Variants in CLMN observed in about 807,000 individuals in gnomAD.
The protein encoded by CLMN is calmin (calponin-like, transmembrane).
CLMN carries 57 observed loss-of-function variants against 92.7 expected under a neutral mutation model. That is an observed-to-expected ratio of 0.61 (90% CI 0.50 to 0.77). The LOEUF is 0.77. Ranked by LOEUF, CLMN falls within the 30% of genes least tolerant of loss-of-function variation. The pLI is 0.00. For synonymous variants in CLMN, 466 were observed against 470.6 expected (o/e 0.99, Z 0.13); for missense variants, 1,158 against 1,237.5 (o/e 0.94, Z 0.96).
Position 95,194,668 on chromosome 14 carries a change from C to A in CLMN, c.2709-72G>T. On this transcript the variant is annotated intron_variant, in intron 10 of 12. Transcript: ENST00000298912. The surrounding 1 kb of genome is among the most constrained non-coding windows in gnomAD (Gnocchi z 4.0). ...CATGGCTCAGTTGTACGGTCACCCC[C>A]ATCCTGGGGTTTCCACGTATGGGTT... 7.0e-7 allele frequency: 1 copy of A among 1,438,590 alleles called. No individual in the cohort carries two copies. The highest frequency in any genetic ancestry group is 9.8e-7 in the Non-Finnish European group (1 of 1,020,712). 89.1% of individuals were successfully genotyped at this position (1,438,590 alleles called of 1,614,324 possible).
At chr14:95,316,791 T>C (rs767148508) in intron 1 of CLMN, among the ~76,000 whole-genome samples, 2 of 152,212 alleles carry the variant, frequency 1.3e-5, no homozygotes, top group Non-Finnish European at 2.9e-5. Flanking sequence ...CCCTCATTAA[T>C]GACCCCAGGA....
chr14:95,252,314 GGGGAT>G (rs1343833145), intron 1 of CLMN, among the ~76,000 whole-genome samples: 6 of 152,318 alleles, frequency 3.9e-5, no homozygotes, highest in Non-Finnish European at 5.9e-5. Context: ...TACGGAAAGT[GGGGAT>G]AATGAGAGCC....
At chr14:95,201,228 A>C (rs1403729996) in intron 9 of CLMN, among the ~76,000 whole-genome samples, 1 of 151,608 alleles carries the variant, frequency 6.6e-6, no homozygotes, top group Non-Finnish European at 1.5e-5. Flanking sequence ...TGGGGGGTTC[A>C]TGTGCAAGTT....
intron 1 of CLMN, among the ~76,000 whole-genome samples, chr14:95,297,043 C>T (rs566399015): frequency 6.6e-6 from 1 of 152,036 alleles, no homozygotes; most frequent in South Asian, 2.1e-4. Flanking sequence ...TCGGTGCTTG[C>T]CAGGGGTGGG....
chr14:95,317,682 G>T (rs922588139), intron 1 of CLMN, among the ~76,000 whole-genome samples: 7 of 151,972 alleles, frequency 4.6e-5, no homozygotes, highest in African/African-American at 1.7e-4. Context: ...TTTCAGTAAT[G>T]GATCAAGTTT....
rs1244859500 is a variant in CLMN, at chr14:95,319,801, G to A, written c.-9C>T. 27 of 1,513,890 alleles carry A rather than the reference G, an allele frequency of 1.8e-5. No individual in the cohort carries two copies. The highest frequency in any genetic ancestry group is 2.4e-5 in the Non-Finnish European group (27 of 1,131,816). The allele number at this position is 1,513,890 out of a possible 1,614,324, so 93.8% of individuals were successfully genotyped here. On this transcript the variant is annotated 5_prime_UTR_variant, in exon 1 of 13. Coordinates refer to ENST00000298912, the MANE Select transcript of CLMN (RefSeq NM_024734.4). Reference sequence around the variant, plus strand: ...CACTCGTGTGCAGCCATGAAGCGCGGGCGGGAGAGCCCGGGCCAGCGCGGC... The same window carrying A: ...CACTCGTGTGCAGCCATGAAGCGCGAGCGGGAGAGCCCGGGCCAGCGCGGC...
At chr14:95,293,945 C>T (rs1187445340) in intron 1 of CLMN, among the ~76,000 whole-genome samples, 3 of 152,298 alleles carry the variant, frequency 2.0e-5, no homozygotes, top group East Asian at 1.9e-4. Flanking sequence ...TCTCACTTAG[C>T]GTTTTAGCTA....
intron 1 of CLMN, among the ~76,000 whole-genome samples, chr14:95,297,811 G>GCACA (rs3219870): frequency 0.022 from 3,189 of 145,064 alleles, 77 homozygotes; most frequent in African/African-American, 0.061. Context: ...AATATGGCAG[G>GCACA]CACACACACA....
intron 1 of CLMN, among the ~76,000 whole-genome samples, chr14:95,268,331 G>C (rs557942067): frequency 4.7e-5 from 7 of 149,410 alleles, no homozygotes; most frequent in African/African-American, 1.7e-4. Context: ...TGAACTATCT[G>C]TATGTGCAAT....
rs202079432 is a variant in CLMN, at chr14:95,224,265, T to TTTTATTTATTTATTTATTTA, written c.145-430_145-411dup. Among the ~76,000 whole-genome samples the TTTTATTTATTTATTTATTTA allele has an allele frequency of 2.4e-4, 36 of 151,550 alleles. 1 individual carries two copies. The highest frequency in any genetic ancestry group is 8.5e-4 in the African/African-American group (35 of 41,210). ...GAAATTACCTAGTGCAAGCCCTTCA[T>TTTTATTTATTTATTTATTTA]TTTATTTATTTATTTATTTATTTAT... is the stretch of plus-strand genomic sequence containing the variant. On this transcript the variant is annotated intron_variant, in intron 2 of 12. Transcript: ENST00000298912.
At chr14:95,255,584 A>G (rs1186904831) in intron 1 of CLMN, among the ~76,000 whole-genome samples, 1 of 152,168 alleles carries the variant, frequency 6.6e-6, no homozygotes, top group Non-Finnish European at 1.5e-5. Context: ...CCCTGCAGAG[A>G]AGGAGGCAGT....
At chr14:95,213,820 C>T (rs763259495) in intron 5 of CLMN, among the ~76,000 whole-genome samples, 47 of 152,276 alleles carry the variant, frequency 3.1e-4, no homozygotes, top group Non-Finnish European at 5.3e-4. Context: ...TTCCCTCCAT[C>T]AGTGAACTCC....
intron 3 of CLMN, among the ~76,000 whole-genome samples, 159 bp from the exon 4 acceptor site, chr14:95,221,933 C>A (rs927949127): frequency 6.6e-6 from 1 of 152,208 alleles, no homozygotes; most frequent in Admixed American, 6.5e-5. Context: ...TCCAAACCCA[C>A]ACAGGTGCCT....
chr14:95,264,008 CTTTATTTA>C (rs34763756), intron 1 of CLMN, among the ~76,000 whole-genome samples: 9,847 of 143,748 alleles, frequency 0.069, 554 homozygotes, highest in African/African-American at 0.15. Context: ...CACCTTATTA[CTTTATTTA>C]TTTATTTATT....
intron 8 of CLMN, among the ~76,000 whole-genome samples, chr14:95,206,918 G>A (rs1248802262): frequency 6.6e-6 from 1 of 151,940 alleles, no homozygotes; most frequent in Non-Finnish European, 1.5e-5. Flanking sequence ...TACAGTAACA[G>A]GCCAGGAAAA....
chr14:95,291,146 G>T (rs1460505363), intron 1 of CLMN, among the ~76,000 whole-genome samples: 1 of 152,236 alleles, frequency 6.6e-6, no homozygotes, highest in Non-Finnish European at 1.5e-5. Context: ...TAGCTGGCCA[G>T]AGTGGAACCC....
At chr14:95,247,687 T>C (rs908588646) in intron 1 of CLMN, among the ~76,000 whole-genome samples, 1 of 152,162 alleles carries the variant, frequency 6.6e-6, no homozygotes, top group Non-Finnish European at 1.5e-5. Flanking sequence ...ACTGGGACCC[T>C]GGCAGCCAAC....
rs114588605 is a variant in CLMN at position 95,191,474 on chromosome 14, G to A, written c.*90C>T. On this transcript the variant is annotated 3_prime_UTR_variant, in exon 13 of 13. Coordinates refer to ENST00000298912, the MANE Select transcript of CLMN (RefSeq NM_024734.4). The surrounding 1 kb of genome is among the most constrained non-coding windows in gnomAD (Gnocchi z 5.3). ...TTTCCTCGGAGGTCCTCAACTGTCT[G>A]TAGAAGTGCCCCACCCAGAACCCAA... 1.4e-3 allele frequency: 1,564 copies of A among 1,086,952 alleles called. 14 individuals carry two copies. In the African/African-American group the frequency reaches 0.022, roughly 15 times the overall value. The allele number at this position is 1,086,952 out of a possible 1,614,324, so 67.3% of individuals were successfully genotyped here. A position where few individuals can be genotyped will look rare whatever the true frequency, so the allele number is the denominator to read the frequency against.
intron 1 of CLMN, among the ~76,000 whole-genome samples, chr14:95,303,877 C>T (rs1327683960): frequency 6.6e-6 from 1 of 152,210 alleles, no homozygotes; most frequent in Admixed American, 6.5e-5. Context: ...AGTCCATCTC[C>T]CAACTTTATT....
Sources: gnomAD v4.1 joint callset for allele counts (sites outside exome capture counted in the v4.1 genomes callset) on GRCh38, gnomAD v4.1.1 for gene constraint, Gnocchi (gnomAD v3.1) non-coding constraint, MANE v1.5 for transcripts, NCBI Gene and HGNC (gene_info 2026-07-23, HGNC 2026-07-21) for gene names.